The following RIMBP2 variants were observed in gnomAD, a reference collection of about 807,000 sequenced individuals.
RIMBP2 encodes RIMS binding protein 2.
Under a neutral mutation model 118.6 loss-of-function variants are expected in RIMBP2, and 48 were observed. The ratio of observed to expected loss-of-function variants is 0.40; its 90% CI spans 0.32 to 0.51. RIMBP2 has a LOEUF of 0.51. Ranked by LOEUF, RIMBP2 falls within the 20% of genes least tolerant of loss-of-function variation. RIMBP2 has a pLI of 0.41. For synonymous variants in RIMBP2, 762 were observed against 742.9 expected, an observed-to-expected ratio of 1.03 and a Z score of -0.42; for missense variants, 1,551 against 1,768.3, an observed-to-expected ratio of 0.88 and a Z score of 2.20.
intron 2 of RIMBP2, among the ~76,000 whole-genome samples, chr12:130,604,306 AAAC>A (rs2060040100): frequency 6.7e-6 from 1 of 149,422 alleles, no homozygotes; most frequent in African/African-American, 2.5e-5. Flanking sequence ...AAAAAAAAAA[AAAC>A]CTCACAGTAA....
intron 2 of RIMBP2, among the ~76,000 whole-genome samples, chr12:130,547,781 C>T (rs947662161): frequency 1.3e-5 from 2 of 152,238 alleles, no homozygotes; most frequent in African/African-American, 2.4e-5. Context: ...AAACTGCCTA[C>T]GCTCGTTCCC....
intron 15 of RIMBP2, chr12:130,427,874 A>G: frequency 3.8e-6 from 1 of 265,308 alleles, no homozygotes; most frequent in Non-Finnish European, 7.0e-6. Context: ...AAGGCTGTGG[A>G]GGGGGTTCTT....
At position 130,422,663 on chromosome 12, in the gene RIMBP2, G is replaced by T; in HGVS notation, c.3130-102C>A. The T allele has an allele frequency of 1.3e-6, 1 of 798,406 alleles. No homozygotes were observed. The allele number at this position is 798,406 out of a possible 1,614,324, so 49.5% of individuals were successfully genotyped here. A position where few individuals can be genotyped will look rare whatever the true frequency, so the allele number is the denominator to read the frequency against. ...GGGTTGAAAAGCAGAATCTGTAAAGGCAACTAAACTTAGCTTTTAACTGAA... is the reference window on the plus strand; with the variant it reads ...GGGTTGAAAAGCAGAATCTGTAAAGTCAACTAAACTTAGCTTTTAACTGAA... On this transcript the variant is annotated intron_variant, in intron 16 of 22. Coordinates refer to ENST00000690449, the MANE Select transcript of RIMBP2 (RefSeq NM_001393629.1). This position sits in a 1 kb window ranked among gnomAD's most constrained non-coding sequence, Gnocchi z 5.2.
At chr12:130,544,462 G>A (rs1187501812) in intron 2 of RIMBP2, among the ~76,000 whole-genome samples, 1 of 152,066 alleles carries the variant, frequency 6.6e-6, no homozygotes, top group Non-Finnish European at 1.5e-5. Flanking sequence ...GACACCACTC[G>A]CCTCCCTCTC....
chr12:130,424,333 G>A lies in RIMBP2; in HGVS notation c.2938C>T (p.Pro980Ser), dbSNP rs2076623263. 1.6e-6 allele frequency: 2 copies of A among 1,231,932 alleles called. No individual in the cohort carries two copies. Among genetic ancestry groups the A allele is most frequent in the East Asian group, 6.3e-5 (2 of 31,648 alleles). The allele number at this position is 1,231,932 out of a possible 1,614,324, so 76.3% of individuals were successfully genotyped here. A position where few individuals can be genotyped will look rare whatever the true frequency, so the allele number is the denominator to read the frequency against. Residue 980 changes from proline (P) to serine (S), a missense_variant, in exon 16 of 23, where the codon CCT becomes TCT. By Grantham distance (74) the Pro-to-Ser change is moderately conservative. Around this residue, in one of 5 missense-constraint regions of RIMBP2, gnomAD observed 1,038 missense variants for 1,125.1 expected, o/e 0.92. Transcript: ENST00000690449. This position sits in a 1 kb window ranked among gnomAD's most constrained non-coding sequence, Gnocchi z 9.8. ...VEEDFGEQVGPGGLLRNDDPQ... is the reference protein window; with the variant it reads ...VEEDFGEQVGSGGLLRNDDPQ... ...TCGTCGTTCCTGAGGAGGCCACCAG[G>A]GCCCACCTGCTCCCCAAAGTCCTCC...
chr12:130,452,723 C>T (rs1488579088), intron 7 of RIMBP2, among the ~76,000 whole-genome samples: 1 of 152,200 alleles, frequency 6.6e-6, no homozygotes, highest in Non-Finnish European at 1.5e-5. Context: ...AGAGGAAACA[C>T]TGTCCTCCAG....
chr12:130,618,673 T>C (rs1272330134), intron 2 of RIMBP2, among the ~76,000 whole-genome samples: 1 of 152,086 alleles, frequency 6.6e-6, no homozygotes, highest in Non-Finnish European at 1.5e-5. Flanking sequence ...CCTCAGGAAG[T>C]GATTCAGGCA....
chr12:130,695,027 G>A (rs981018936), intron 1 of RIMBP2, among the ~76,000 whole-genome samples: 1 of 152,168 alleles, frequency 6.6e-6, no homozygotes, highest in African/African-American at 2.4e-5. Flanking sequence ...CATTATGAAC[G>A]CAAATGTCCA....
At chr12:130,661,479 A>G (rs1482708021) in intron 1 of RIMBP2, among the ~76,000 whole-genome samples, 1 of 152,244 alleles carries the variant, frequency 6.6e-6, no homozygotes, top group African/African-American at 2.4e-5. Flanking sequence ...ATCTACACAC[A>G]GTATTTGAGC....
chr12:130,484,204 G>A (rs948589931), intron 4 of RIMBP2, among the ~76,000 whole-genome samples: 1 of 152,158 alleles, frequency 6.6e-6, no homozygotes, highest in Non-Finnish European at 1.5e-5. Context: ...GAGTAAAGCG[G>A]CATGCTGTCA....
At chr12:130,713,894 G>A (rs1387154236) in intron 1 of RIMBP2, among the ~76,000 whole-genome samples, 5 of 152,174 alleles carry the variant, frequency 3.3e-5, no homozygotes, top group Admixed American at 6.5e-5. Flanking sequence ...CCAGAGATGC[G>A]TAAAGCGCCT....
chr12:130,538,948 G>A (rs1200874626), intron 2 of RIMBP2, among the ~76,000 whole-genome samples: 2 of 152,180 alleles, frequency 1.3e-5, no homozygotes, highest in Non-Finnish European at 2.9e-5. Flanking sequence ...GTGGGCCTGA[G>A]GGTGCTAAGG....
chr12:130,467,100 T>C (rs974369510), intron 6 of RIMBP2, among the ~76,000 whole-genome samples: 5 of 152,224 alleles, frequency 3.3e-5, no homozygotes, highest in African/African-American at 1.2e-4. Context: ...TTCCTGGGTG[T>C]AGGCTGAACG....
rs371780530 is a variant in RIMBP2, at chr12:130,641,513, C to T, written c.-351-13057G>A. Among the ~76,000 whole-genome samples the T allele has an allele frequency of 3.4e-3, 511 of 149,296 alleles. 6 individuals are homozygous for T. Among genetic ancestry groups the T allele is most frequent in the African/African-American group, 0.011 (429 of 40,212 alleles). On this transcript the variant is annotated intron_variant, in intron 1 of 22. Coordinates refer to ENST00000690449, the MANE Select transcript of RIMBP2 (RefSeq NM_001393629.1). ...CTGCCGGACACTCGGCCCGGCATCA[C>T]GGGCTGGATTTAGGATGGTGACTGC...
At chr12:130,509,132 G>A (rs1050961541) in intron 3 of RIMBP2, among the ~76,000 whole-genome samples, 2 of 152,232 alleles carry the variant, frequency 1.3e-5, no homozygotes, top group Non-Finnish European at 2.9e-5. Context: ...CCCTTGGCTG[G>A]AGGCCTGGGA....
intron 5 of RIMBP2, among the ~76,000 whole-genome samples, chr12:130,474,022 T>C (rs889336874): frequency 9.2e-5 from 14 of 152,176 alleles, no homozygotes; most frequent in Non-Finnish European, 1.3e-4. Flanking sequence ...GCCCTTTAGC[T>C]CACACCACTG....
intron 1 of RIMBP2, among the ~76,000 whole-genome samples, chr12:130,679,147 GA>G (rs2064649451): frequency 6.6e-6 from 1 of 152,210 alleles, no homozygotes; most frequent in African/African-American, 2.4e-5. Flanking sequence ...GAATCTAGAA[GA>G]ATGATAAATT....
chr12:130,423,278 C>T (rs985014082), intron 16 of RIMBP2, among the ~76,000 whole-genome samples: 5 of 152,150 alleles, frequency 3.3e-5, no homozygotes, highest in Admixed American at 1.3e-4. Flanking sequence ...GGGGATGAGG[C>T]GTGTCTGCTG....
chr12:130,610,647 G>A (rs1462439816), intron 2 of RIMBP2, among the ~76,000 whole-genome samples: 3 of 131,040 alleles, frequency 2.3e-5, no homozygotes, highest in Non-Finnish European at 3.1e-5. Flanking sequence ...TGCAAGCTCC[G>A]CCTCCCGGGT....
Sources: allele counts gnomAD v4.1 joint callset (sites outside exome capture counted in the v4.1 genomes callset), GRCh38; gene constraint gnomAD v4.1.1; regional missense constraint gnomAD v4.1.1; non-coding constraint Gnocchi (gnomAD v3.1); transcripts MANE v1.5; gene names NCBI Gene and HGNC (gene_info 2026-07-23, HGNC 2026-07-21).